The following CADPS2 variants were observed in gnomAD, a reference collection of about 807,000 sequenced individuals.
CADPS2 encodes the protein calcium dependent secretion activator 2.
CADPS2 carries 93 observed loss-of-function variants against 172.5 expected under a neutral mutation model. The observed-to-expected ratio is 0.54, with a 90% CI of 0.46 to 0.64. The LOEUF (loss-of-function observed/expected upper bound fraction) is 0.64, where lower values mean the gene tolerates loss of function less well. CADPS2 is among the 30% of genes least tolerant of loss of function. The probability of loss-of-function intolerance (pLI) is 0.00; values close to 1 mark genes in which losing one functional copy is unlikely to be tolerated. For synonymous variants in CADPS2, 546 were observed against 555.2 expected, an observed-to-expected ratio of 0.98 and a Z score of 0.23; for missense variants, 1,420 against 1,565.9, an observed-to-expected ratio of 0.91 and a Z score of 1.57.
Position 122,701,845 on chromosome 7 carries a change from G to C in CADPS2, c.453+35110C>G, listed in dbSNP as rs778520039. 3.8e-6 allele frequency: 6 copies of C among 1,583,788 alleles called. No homozygotes were observed. In the South Asian group the frequency reaches 5.8e-5, roughly 15 times the overall value. Reference sequence around the variant, plus strand: ...TTCTCCAGATTTCTTAAGTTTTCAGGATGTCACACTTGCACATGGGACATG... The same window carrying C: ...TTCTCCAGATTTCTTAAGTTTTCAGCATGTCACACTTGCACATGGGACATG... On this transcript the variant is annotated intron_variant, in intron 2 of 29. Transcript: ENST00000449022.
chr7:122,451,286 T>C, intron 15 of CADPS2, 88 bp downstream of exon 15: 1 of 579,046 alleles, frequency 1.7e-6, no homozygotes, highest in Non-Finnish European at 2.8e-6. Context: ...TGAGCGCTAG[T>C]AGAATGATAT....
At chr7:122,358,652 C>T (rs910696798) in intron 27 of CADPS2, among the ~76,000 whole-genome samples, 1 of 152,018 alleles carries the variant, frequency 6.6e-6, no homozygotes, top group African/African-American at 2.4e-5. Context: ...CTCTTTTTCT[C>T]ATGAGACTCT....
At chr7:122,637,172 T>C (rs13229793) in intron 3 of CADPS2, among the ~76,000 whole-genome samples, 2 of 4,550 alleles carry the variant, frequency 4.4e-4, no homozygotes, top group African/African-American at 6.0e-4. Context: ...GAAATTTTGC[T>C]TTTTTTTTTT....
At chr7:122,361,231 T>G (rs1046871448) in intron 25 of CADPS2, among the ~76,000 whole-genome samples, 2 of 137,712 alleles carry the variant, frequency 1.5e-5, no homozygotes, top group Non-Finnish European at 3.1e-5. Flanking sequence ...ACACTTTTTT[T>G]TTTTTTTTTT....
intron 17 of CADPS2, among the ~76,000 whole-genome samples, chr7:122,424,979 T>A (rs1563304836): frequency 6.6e-6 from 1 of 152,184 alleles, no homozygotes. Context: ...AATAGCTTTT[T>A]TTAAAAAAAT....
chr7:122,791,296 C>G (rs189127301), intron 1 of CADPS2, among the ~76,000 whole-genome samples: 2 of 152,088 alleles, frequency 1.3e-5, no homozygotes, highest in East Asian at 3.9e-4. Flanking sequence ...ACTAAGGAAA[C>G]CACGGATGGT....
At chr7:122,325,395 TAC>T in intron 29 of CADPS2, 80 bp downstream of exon 29, 1 of 858,560 alleles carries the variant, frequency 1.2e-6, no homozygotes, top group South Asian at 1.5e-5. Context: ...TTACATCAAA[TAC>T]AGTTTTCTTG....
intron 1 of CADPS2, among the ~76,000 whole-genome samples, chr7:122,748,194 G>A (rs981200247): frequency 6.6e-6 from 1 of 152,122 alleles, no homozygotes; most frequent in Admixed American, 6.6e-5. Context: ...TGAAGAGGAG[G>A]GAGCAGACAA....
intron 8 of CADPS2, among the ~76,000 whole-genome samples, chr7:122,522,925 T>C (rs968232486): frequency 3.3e-5 from 5 of 152,204 alleles, no homozygotes; most frequent in African/African-American, 1.2e-4. Flanking sequence ...TATAGCTACA[T>C]AGTATTCCAT....
At chr7:122,642,726 A>G (rs1435826068) in intron 3 of CADPS2, among the ~76,000 whole-genome samples, 2 of 152,126 alleles carry the variant, frequency 1.3e-5, no homozygotes, top group Non-Finnish European at 2.9e-5. Flanking sequence ...TGTTCTCTAG[A>G]ACCAAGATAA....
At chr7:122,834,830 G>A (rs1375224177) in intron 1 of CADPS2, among the ~76,000 whole-genome samples, 2 of 152,200 alleles carry the variant, frequency 1.3e-5, no homozygotes, top group Non-Finnish European at 2.9e-5. Context: ...AAGGAGGCCT[G>A]CCTGCCTCTG....
At chr7:122,862,927 TATATA>T (rs1158447644) in intron 1 of CADPS2, among the ~76,000 whole-genome samples, 1 of 152,188 alleles carries the variant, frequency 6.6e-6, no homozygotes, top group Non-Finnish European at 1.5e-5. Context: ...TACACCCACT[TATATA>T]ATAAAGAAGT....
intron 8 of CADPS2, among the ~76,000 whole-genome samples, chr7:122,544,959 T>C (rs2063475781): frequency 1.3e-5 from 2 of 152,114 alleles, no homozygotes; most frequent in South Asian, 4.1e-4. Context: ...CTAAGTAAGG[T>C]CCTAGACAGC....
intron 2 of CADPS2, among the ~76,000 whole-genome samples, chr7:122,666,974 T>C (rs1013979127): frequency 2.6e-5 from 4 of 152,150 alleles, no homozygotes; most frequent in African/African-American, 9.7e-5. Context: ...ATCCCAGCCC[T>C]GGGGGAGGGG....
intron 25 of CADPS2, among the ~76,000 whole-genome samples, chr7:122,372,437 A>G (rs1266623830): frequency 6.6e-6 from 1 of 152,180 alleles, no homozygotes; most frequent in African/African-American, 2.4e-5. Flanking sequence ...ATGTGTATAT[A>G]GTAGGGAGGG....
intron 1 of CADPS2, among the ~76,000 whole-genome samples, chr7:122,812,001 C>T (rs910813050): frequency 6.6e-6 from 1 of 151,890 alleles, no homozygotes; most frequent in Non-Finnish European, 1.5e-5. Context: ...TCTCAGTCCT[C>T]AGTTAATCTG....
intron 3 of CADPS2, among the ~76,000 whole-genome samples, chr7:122,647,143 C>T (rs1413780922): frequency 1.3e-5 from 2 of 152,078 alleles, no homozygotes; most frequent in Non-Finnish European, 2.9e-5. Context: ...AATTGATCTA[C>T]CTAAAAAAGG....
At chr7:122,394,074 G>T (rs1475111474) in intron 20 of CADPS2, among the ~76,000 whole-genome samples, 1 of 152,114 alleles carries the variant, frequency 6.6e-6, no homozygotes, top group East Asian at 1.9e-4. Context: ...GTGGGTTTGG[G>T]AATATCTATT....
At chr7:122,522,895 G>A (rs1227134433) in intron 8 of CADPS2, among the ~76,000 whole-genome samples, 2 of 152,084 alleles carry the variant, frequency 1.3e-5, no homozygotes, top group Non-Finnish European at 2.9e-5. Context: ...GGCTGCAAAC[G>A]ACAGGATTTC....
Sources: gnomAD v4.1 joint callset for allele counts (sites outside exome capture counted in the v4.1 genomes callset) on GRCh38, gnomAD v4.1.1 for gene constraint, MANE v1.5 for transcripts, NCBI Gene and HGNC (gene_info 2026-07-23, HGNC 2026-07-21) for gene names.